SCIN: variants seen among roughly 807,000 people sequenced by gnomAD.
SCIN encodes adseverin.
SCIN carries 91 observed loss-of-function variants against 91.8 expected under a neutral mutation model. The observed-to-expected ratio is 0.99, with a 90% CI of 0.84 to 1.18. SCIN has a LOEUF of 1.18. Ranked by LOEUF, SCIN falls within the 50% of genes most tolerant of loss-of-function variation. The pLI, the probability that SCIN is intolerant of heterozygous loss-of-function variation, is 0.00. For missense variants in SCIN, 1,087 were observed against 863.9 expected, an observed-to-expected ratio of 1.26 and a Z score of -3.24; for synonymous variants, 367 against 312.6, an observed-to-expected ratio of 1.17 and a Z score of -1.84.
chr7:12,621,149 G>A (rs1245582906), intron 4 of SCIN, among the ~76,000 whole-genome samples: 2 of 152,074 alleles, frequency 1.3e-5, no homozygotes, highest in Non-Finnish European at 2.9e-5. Context: ...CTCTTTCTAC[G>A]CCAGATGTAA....
At chr7:12,572,231 C>A (rs1782285868) in intron 1 of SCIN, among the ~76,000 whole-genome samples, 1 of 152,176 alleles carries the variant, frequency 6.6e-6, no homozygotes, top group Admixed American at 6.5e-5. Flanking sequence ...CATTTGGAGT[C>A]AAAAATTTGT....
At chr7:12,577,403 A>T in intron 1 of SCIN, 2 of 374,350 alleles carry the variant, frequency 5.3e-6, no homozygotes, top group South Asian at 4.1e-5. Context: ...AATAAAGGCT[A>T]AACCACTTGT....
At chr7:12,644,453 G>T (rs1265259024) in intron 12 of SCIN, 131 bp from the exon 13 acceptor site, 12 of 1,450,690 alleles carry the variant, frequency 8.3e-6, no homozygotes, top group African/African-American at 1.4e-5. Flanking sequence ...AGGTGGGTGG[G>T]TGATGGTACC....
chr7:12,594,713 G>A (rs2115236774), intron 3 of SCIN, among the ~76,000 whole-genome samples: 1 of 152,184 alleles, frequency 6.6e-6, no homozygotes, highest in South Asian at 2.1e-4. Flanking sequence ...AGGAAGAAGG[G>A]ACCACAGACG....
At position 12,659,068 on chromosome 7, in the gene SCIN, G is replaced by T; in HGVS notation, c.*6353G>T. 1 of 152,422 alleles carries T rather than the reference G, an allele frequency of 6.6e-6. No homozygotes were observed. The highest frequency in any genetic ancestry group is 1.5e-5 in the Non-Finnish European group (1 of 68,162). 9.4% of individuals were successfully genotyped at this position (152,422 alleles called of 1,614,324 possible). A position where few individuals can be genotyped will look rare whatever the true frequency, so the allele number is the denominator to read the frequency against. On this transcript the variant is annotated 3_prime_UTR_variant, in exon 16 of 16. Transcript: ENST00000297029. Reference sequence around the variant, plus strand: ...CCTCCCGTGTTCAAGCGATTCTCCTGCCTCAGCCTCCTGAGTAGCTGGGAT... The same window carrying T: ...CCTCCCGTGTTCAAGCGATTCTCCTTCCTCAGCCTCCTGAGTAGCTGGGAT...
rs1269749071 is a variant in SCIN, at chr7:12,625,802, G to A, written c.933G>A (p.Lys311=). The A allele has an allele frequency of 9.3e-6, 15 of 1,612,548 alleles. No homozygotes were observed. Among genetic ancestry groups the A allele is most frequent in the Non-Finnish European group, 1.2e-5 (14 of 1,179,162 alleles). Residue 311 remains lysine, a synonymous_variant, in exon 7 of 16, where the codon AAG becomes AAA. Transcript: ENST00000297029. ...CCCAAGAGAGGAAGGCTGCAATGAA[G>A]ACAGCTGAAGAATTTCTACAGCAAA... ...ANPQERKAAM[K]TAEEFLQQMN...
At chr7:12,604,392 T>C (rs1783027497) in intron 3 of SCIN, 122 bp from the exon 4 acceptor site, 1 of 828,032 alleles carries the variant, frequency 1.2e-6, no homozygotes, top group Admixed American at 2.7e-5. Context: ...CAATTATGTA[T>C]ATACCTCAAC....
chr7:12,649,586 G>A (rs373882540), intron 14 of SCIN, 42 bp downstream of exon 14: 3 of 1,359,550 alleles, frequency 2.2e-6, no homozygotes, highest in Non-Finnish European at 3.1e-6. Context: ...TGCATTTTTG[G>A]TTGGGAGATG....
At chr7:12,622,395 A>C (rs1783427975) in intron 4 of SCIN, among the ~76,000 whole-genome samples, 1 of 152,148 alleles carries the variant, frequency 6.6e-6, no homozygotes, top group Admixed American at 6.6e-5. Context: ...ATTTTGATTC[A>C]AATCTTTATT....
At chr7:12,632,838 G>A (rs1167116059) in intron 9 of SCIN, among the ~76,000 whole-genome samples, 1 of 152,188 alleles carries the variant, frequency 6.6e-6, no homozygotes, top group East Asian at 1.9e-4. Context: ...GGAGGGGATG[G>A]TCATTTAGCT....
At chr7:12,630,565 G>C (rs1226050601) in intron 9 of SCIN, among the ~76,000 whole-genome samples, 1 of 152,170 alleles carries the variant, frequency 6.6e-6, no homozygotes, top group South Asian at 2.1e-4. Context: ...ACACTCTGAC[G>C]CCACAGTCAA....
At position 12,604,679 on chromosome 7, in the gene SCIN, T is replaced by C. The variant is rs1295368603; in HGVS notation, c.666+16T>C. ...ACTTATAAAGGTATTGTGACTCCTGTTGTTTGTTAAAGGGTTACCACTCCA... is the reference window on the plus strand; with the variant it reads ...ACTTATAAAGGTATTGTGACTCCTGCTGTTTGTTAAAGGGTTACCACTCCA... On this transcript the variant is annotated intron_variant, in intron 4 of 15. Coordinates refer to ENST00000297029, the MANE Select transcript of SCIN (RefSeq NM_001112706.3). The C allele has an allele frequency of 2.5e-5, 39 of 1,549,672 alleles. No homozygotes were observed. Among genetic ancestry groups the C allele is most frequent in the Admixed American group, 3.9e-5 (2 of 50,852 alleles).
In SCIN at chr7:12,651,208, G is replaced by C. The variant is rs1784072046; in HGVS notation, c.1960-633G>C. On this transcript the variant is annotated intron_variant, in intron 14 of 15. Transcript: ENST00000297029. The surrounding 1 kb of genome is among the most constrained non-coding windows in gnomAD (Gnocchi z 5.9). Reference sequence around the variant, plus strand: ...GGGAGGGAGAGAAGAGGCCTGGCTAGGAAAGATGGTCTTGTTATGGATAAA... The same window carrying C: ...GGGAGGGAGAGAAGAGGCCTGGCTACGAAAGATGGTCTTGTTATGGATAAA... 6.6e-6 allele frequency among the ~76,000 whole-genome samples: 1 copy of C among 152,162 alleles called. No homozygotes were observed. The highest frequency in any genetic ancestry group is 1.5e-5 in the Non-Finnish European group (1 of 68,036).
intron 3 of SCIN, among the ~76,000 whole-genome samples, chr7:12,591,060 A>G (rs1782711841): frequency 1.3e-5 from 2 of 152,102 alleles, no homozygotes; most frequent in African/African-American, 4.8e-5. Flanking sequence ...CTGGAAGAGG[A>G]GCCATCTATG....
chr7:12,657,854 T>C lies in SCIN; in HGVS notation c.*5139T>C, dbSNP rs189878883. ...TCTCCATTTCTTCGGAATGATAATT[T>C]CTAATATACTTTTCTTCTATTATAG... On this transcript the variant is annotated 3_prime_UTR_variant, in exon 16 of 16. Coordinates refer to ENST00000297029, the MANE Select transcript of SCIN (RefSeq NM_001112706.3). 40 of 152,086 alleles carry C rather than the reference T, an allele frequency of 2.6e-4. No individual in the cohort carries two copies. Among genetic ancestry groups the C allele is most frequent in the African/African-American group, 9.1e-4 (38 of 41,546 alleles). The allele number at this position is 152,086 out of a possible 1,614,324, so 9.4% of individuals were successfully genotyped here.
At chr7:12,634,442 G>A (rs549691533) in intron 9 of SCIN, among the ~76,000 whole-genome samples, 1 of 151,008 alleles carries the variant, frequency 6.6e-6, no homozygotes, top group South Asian at 2.1e-4. Context: ...CCTAGATCAC[G>A]CCATTGCACT....
intron 1 of SCIN, 51 bp downstream of exon 1, chr7:12,571,036 A>T (rs900958464): frequency 6.6e-7 from 1 of 1,511,192 alleles, no homozygotes; most frequent in Admixed American, 2.0e-5. Context: ...CGGCGAGGGG[A>T]GGGCGTAGGG....
At chr7:12,617,715 A>G (rs1211205002) in intron 4 of SCIN, among the ~76,000 whole-genome samples, 3 of 152,136 alleles carry the variant, frequency 2.0e-5, no homozygotes, top group Non-Finnish European at 2.9e-5. Flanking sequence ...CTGATGCCAC[A>G]GAGCACTTGA....
rs769148442 is a variant in SCIN at position 12,656,713 on chromosome 7, G to A, written c.*3998G>A. The A allele has an allele frequency of 6.6e-6, 1 of 152,228 alleles. No individual in the cohort carries two copies. The highest frequency in any genetic ancestry group is 1.5e-5 in the Non-Finnish European group (1 of 68,068). 9.4% of individuals were successfully genotyped at this position (152,228 alleles called of 1,614,324 possible). On this transcript the variant is annotated 3_prime_UTR_variant, in exon 16 of 16. Transcript: ENST00000297029. The stretch of plus-strand genomic sequence containing the variant: ...CCAAGGCGGTTGGATCACGAGGCCA[G>A]GAGTCCGAGACCAGCCTGACCAACA...
Sources: allele counts gnomAD v4.1 joint callset (sites outside exome capture counted in the v4.1 genomes callset), GRCh38; gene constraint gnomAD v4.1.1; non-coding constraint Gnocchi (gnomAD v3.1); transcripts MANE v1.5; gene names NCBI Gene and HGNC (gene_info 2026-07-23, HGNC 2026-07-21).